Variants in LUZP2 observed in about 807,000 individuals in gnomAD.
The protein encoded by LUZP2 is leucine zipper protein 2.
A neutral mutation model predicts 51.6 loss-of-function variants in LUZP2; 52 were observed. The observed-to-expected ratio is 1.01, with a 90% CI of 0.81 to 1.27. The LOEUF (loss-of-function observed/expected upper bound fraction) is 1.27. Among genes scored for constraint, LUZP2 ranks in the 50% most tolerant of loss-of-function variants. LUZP2 has a pLI of 0.00. For synonymous variants in LUZP2, 154 were observed against 137.3 expected, an observed-to-expected ratio of 1.12 and a Z score of -0.85; for missense variants, 436 against 395.4, an observed-to-expected ratio of 1.10 and a Z score of -0.87.
intron 6 of LUZP2, 53 bp from the exon 7 acceptor site, chr11:24,914,423 A>G: frequency 7.6e-7 from 1 of 1,307,340 alleles, no homozygotes; most frequent in Middle Eastern, 1.8e-4. Flanking sequence ...TTTAATCTTC[A>G]AGTTTGAAAA....
At chr11:24,732,709 G>A (rs1300546510) in intron 3 of LUZP2, among the ~76,000 whole-genome samples, 6 of 151,570 alleles carry the variant, frequency 4.0e-5, no homozygotes, top group Non-Finnish European at 5.9e-5. Context: ...ATTATAAAAA[G>A]CCATACGATT....
chr11:24,516,981 T>A (rs1159504354), intron 1 of LUZP2, among the ~76,000 whole-genome samples: 15 of 152,174 alleles, frequency 9.9e-5, no homozygotes, highest in Non-Finnish European at 2.2e-4. Context: ...TCTATGTGGC[T>A]TTATTTCCAG....
intron 1 of LUZP2, among the ~76,000 whole-genome samples, chr11:24,538,519 A>G (rs1293787728): frequency 1.3e-5 from 2 of 151,690 alleles, no homozygotes; most frequent in Non-Finnish European, 2.9e-5. Flanking sequence ...CACCTTAAAT[A>G]TGTTACTTTT....
chr11:24,780,159 A>T (rs1849047542), intron 5 of LUZP2, among the ~76,000 whole-genome samples: 1 of 152,162 alleles, frequency 6.6e-6, no homozygotes, highest in African/African-American at 2.4e-5. Flanking sequence ...GCAGGTATTC[A>T]GGTTATCATT....
intron 1 of LUZP2, among the ~76,000 whole-genome samples, chr11:24,711,091 C>G (rs1237076232): frequency 6.6e-6 from 1 of 152,138 alleles, no homozygotes; most frequent in African/African-American, 2.4e-5. Flanking sequence ...TAAAATAGCT[C>G]CATATCCTTC....
At chr11:24,609,729 C>CAAAAAAAA (rs34436907) in intron 1 of LUZP2, among the ~76,000 whole-genome samples, 2 of 65,896 alleles carry the variant, frequency 3.0e-5, no homozygotes, top group African/African-American at 7.3e-5. Context: ...GACTCCAGCT[C>CAAAAAAAA]AAAAAAAAAA....
chr11:24,693,550 C>T (rs1857145011), intron 1 of LUZP2, among the ~76,000 whole-genome samples: 1 of 151,838 alleles, frequency 6.6e-6, no homozygotes, highest in Admixed American at 6.6e-5. Context: ...TTTATTTTCA[C>T]ACAAAGAAAG....
At chr11:25,000,099 G>T (rs576291819) in intron 9 of LUZP2, among the ~76,000 whole-genome samples, 92 of 93,452 alleles carry the variant, frequency 9.8e-4, no homozygotes, top group Middle Eastern at 6.3e-3. Flanking sequence ...GCTGATTGGT[G>T]CGGTTACAAA....
At chr11:24,861,217 A>G (rs2134245290) in intron 5 of LUZP2, among the ~76,000 whole-genome samples, 1 of 152,254 alleles carries the variant, frequency 6.6e-6, no homozygotes, top group Admixed American at 6.5e-5. Context: ...TTTGAAGACC[A>G]CCTTGCTGAA....
chr11:24,963,395 C>T lies in LUZP2; in HGVS notation c.523-13196C>T, dbSNP rs1407688409. Among the ~76,000 whole-genome samples the T allele has an allele frequency of 1.5e-3, 225 of 152,296 alleles. 1 individual carries two copies. The highest frequency in any genetic ancestry group is 4.9e-3 in the African/African-American group (202 of 41,578). On this transcript the variant is annotated intron_variant, in intron 7 of 11. Coordinates refer to ENST00000336930, the MANE Select transcript of LUZP2 (RefSeq NM_001009909.4). ...GGAGCCTACAGAGGCAGACAGGCCT[C>T]CTTGAGCTGTGGTGGGCTCCACCCA...
intron 10 of LUZP2, among the ~76,000 whole-genome samples, chr11:25,073,924 A>G (rs1189269770): frequency 1.3e-5 from 2 of 152,210 alleles, no homozygotes; most frequent in Admixed American, 1.3e-4. Flanking sequence ...AATTAATTCC[A>G]TAAAGAAGCA....
At chr11:24,833,124 A>G (rs995248519) in intron 5 of LUZP2, among the ~76,000 whole-genome samples, 2 of 152,232 alleles carry the variant, frequency 1.3e-5, no homozygotes, top group African/African-American at 4.8e-5. Context: ...AGTCAGCAAG[A>G]GATGAATGAA....
intron 7 of LUZP2, among the ~76,000 whole-genome samples, chr11:24,957,080 G>A (rs2133871664): frequency 6.6e-6 from 1 of 152,186 alleles, no homozygotes; most frequent in South Asian, 2.1e-4. Context: ...TTTATTTGTA[G>A]GTATACTAAG....
chr11:24,820,109 G>T (rs913671662), intron 5 of LUZP2, among the ~76,000 whole-genome samples: 1 of 152,046 alleles, frequency 6.6e-6, no homozygotes, highest in Non-Finnish European at 1.5e-5. Context: ...AGCCTAGTGA[G>T]ACAAAAGAAA....
chr11:24,890,698 G>A (rs190982504), intron 5 of LUZP2, among the ~76,000 whole-genome samples: 29 of 152,084 alleles, frequency 1.9e-4, no homozygotes, highest in African/African-American at 6.7e-4. Flanking sequence ...ACACAATCTG[G>A]ATTTATTCAT....
intron 9 of LUZP2, among the ~76,000 whole-genome samples, chr11:25,015,827 T>A (rs1169591966): frequency 1.3e-5 from 2 of 152,186 alleles, no homozygotes; most frequent in Admixed American, 1.3e-4. Flanking sequence ...TGTATTTACT[T>A]CAATAGCTTT....
At chr11:24,874,626 A>G (rs1852188564) in intron 5 of LUZP2, among the ~76,000 whole-genome samples, 1 of 152,152 alleles carries the variant, frequency 6.6e-6, no homozygotes, top group Non-Finnish European at 1.5e-5. Context: ...TTCATCTGTG[A>G]TACAAGTACT....
intron 1 of LUZP2, among the ~76,000 whole-genome samples, chr11:24,727,198 C>A (rs535912810): frequency 1.3e-5 from 2 of 151,786 alleles, no homozygotes; most frequent in Admixed American, 6.6e-5. Flanking sequence ...CATTTATTTG[C>A]GTAATAGAGA....
intron 1 of LUZP2, among the ~76,000 whole-genome samples, chr11:24,675,169 A>G (rs1856504830): frequency 6.6e-6 from 1 of 152,194 alleles, no homozygotes; most frequent in Non-Finnish European, 1.5e-5. Flanking sequence ...AACCCCTTGA[A>G]GTGGAATTGG....
Sources: allele counts gnomAD v4.1 joint callset (sites outside exome capture counted in the v4.1 genomes callset), GRCh38; gene constraint gnomAD v4.1.1; transcripts MANE v1.5; gene names NCBI Gene and HGNC (gene_info 2026-07-23, HGNC 2026-07-21).